Variants in CACUL1 observed in about 807,000 individuals in gnomAD.
The protein encoded by CACUL1 is CDK2 associated cullin domain 1.
Under a neutral mutation model 45.2 loss-of-function variants are expected in CACUL1, and 13 were observed. That is an observed-to-expected ratio of 0.29 (90% CI 0.19 to 0.46). The LOEUF is 0.46. CACUL1 is among the 20% of genes least tolerant of loss of function. The pLI is 1.00. For missense variants in CACUL1, 421 were observed against 471.4 expected, an observed-to-expected ratio of 0.89 and a Z score of 0.99; for synonymous variants, 197 against 174.2, an observed-to-expected ratio of 1.13 and a Z score of -1.03.
Position 118,744,142 on chromosome 10 carries a change from T to C in CACUL1, c.367+10254A>G, listed in dbSNP as rs1225865964. The stretch of plus-strand genomic sequence containing the variant: ...GGCTCACGCCTGTAATCCTAGCACT[T>C]TGGGAGGCCGAGGAGGGTGGATCAC... On this transcript the variant is annotated intron_variant, in intron 1 of 8. Coordinates refer to ENST00000369151, the MANE Select transcript of CACUL1 (RefSeq NM_153810.5). 3.9e-5 allele frequency among the ~76,000 whole-genome samples: 6 copies of C among 152,144 alleles called. No homozygotes were observed. In the South Asian group the frequency reaches 8.3e-4, roughly 21 times the overall value.
chr10:118,753,509 TCAC>T (rs1162272316), intron 1 of CACUL1, among the ~76,000 whole-genome samples: 2 of 152,188 alleles, frequency 1.3e-5, no homozygotes, highest in African/African-American at 4.8e-5. Context: ...CAACATCCTA[TCAC>T]CACCACCACC....
Position 118,754,940 on chromosome 10 carries a change from C to G in CACUL1, c.-178G>C. The G allele has an allele frequency of 1.3e-6, 1 of 775,626 alleles. No homozygotes were observed. The highest frequency in any genetic ancestry group is 1.9e-6 in the Non-Finnish European group (1 of 530,830). The allele number at this position is 775,626 out of a possible 1,614,324, so 48.0% of individuals were successfully genotyped here. On this transcript the variant is annotated 5_prime_UTR_variant, in exon 1 of 9. Coordinates refer to ENST00000369151, the MANE Select transcript of CACUL1 (RefSeq NM_153810.5). ...CGCGGGGCCGACTAGCTTGAAGACG[C>G]GGCTGACGGCGGTGGGCGCTCCGGG...
At position 118,682,049 on chromosome 10, in the gene CACUL1, A is replaced by G. The variant is rs181955245; in HGVS notation, c.*4079T>C. On this transcript the variant is annotated 3_prime_UTR_variant, in exon 9 of 9. Transcript: ENST00000369151. Reference sequence around the variant, plus strand: ...CAATCGTATTGAAAACAGTAATCACAACCAAAAAGGTCCTATAAACCTGTA... The same window carrying G: ...CAATCGTATTGAAAACAGTAATCACGACCAAAAAGGTCCTATAAACCTGTA... The G allele has an allele frequency of 6.6e-6, 1 of 152,374 alleles. No homozygotes were observed. Among genetic ancestry groups the G allele is most frequent in the East Asian group, 1.9e-4 (1 of 5,192 alleles). The allele number at this position is 152,374 out of a possible 1,614,324, so 9.4% of individuals were successfully genotyped here.
At chr10:118,701,971 G>C (rs983501477) in intron 4 of CACUL1, among the ~76,000 whole-genome samples, 4 of 152,176 alleles carry the variant, frequency 2.6e-5, no homozygotes, top group Non-Finnish European at 4.4e-5. Context: ...ACCATGAGGG[G>C]AATGTCAGGC....
intron 1 of CACUL1, among the ~76,000 whole-genome samples, 153 bp downstream of exon 1, chr10:118,754,243 G>A (rs1057389128): frequency 2.0e-5 from 3 of 152,202 alleles, no homozygotes; most frequent in African/African-American, 7.2e-5. Context: ...GGGACGGTGA[G>A]GGGGAAGGAG....
chr10:118,731,766 T>C (rs1411029723), intron 1 of CACUL1, among the ~76,000 whole-genome samples: 2 of 152,206 alleles, frequency 1.3e-5, no homozygotes, highest in Admixed American at 6.5e-5. Flanking sequence ...CATGAAACTA[T>C]GGTGGGGGAT....
intron 3 of CACUL1, among the ~76,000 whole-genome samples, chr10:118,723,309 C>T (rs542963555): frequency 6.6e-6 from 1 of 152,130 alleles, no homozygotes; most frequent in South Asian, 2.1e-4. Context: ...TAAAGTAGTG[C>T]TTTACCATTT....
chr10:118,736,389 A>ATT (rs753596455), intron 1 of CACUL1, among the ~76,000 whole-genome samples: 1 of 147,840 alleles, frequency 6.8e-6, no homozygotes. Context: ...ATTATTTATA[A>ATT]TTTTTTTTTT....
At chr10:118,699,216 T>C (rs968059503) in intron 5 of CACUL1, among the ~76,000 whole-genome samples, 5 of 152,252 alleles carry the variant, frequency 3.3e-5, no homozygotes, top group African/African-American at 9.6e-5. Context: ...AGGCCAGTTA[T>C]CACTTCTCTA....
Position 118,701,314 on chromosome 10 carries a change from C to A in CACUL1, c.788G>T (p.Ser263Ile). The A allele has an allele frequency of 6.5e-7, 1 of 1,545,004 alleles. No homozygotes were observed. Among genetic ancestry groups the A allele is most frequent in the Non-Finnish European group, 8.9e-7 (1 of 1,128,598 alleles). The stretch of plus-strand genomic sequence containing the variant: ...TAAGCTGAATTACTTACGCATTAGG[C>A]TGTAAATGTGCTTTTCTGCAACATG... ...TEHVAEKHIY[S>I]LMPLLLEAQS... The change falls in exon 5 of 9, where the codon AGC becomes ATC. Residue 263 changes from serine (S) to isoleucine (I), a missense_variant. Physicochemically the swap from Ser to Ile is moderately radical, Grantham distance 142 (BLOSUM62 -2). Coordinates refer to ENST00000369151, the MANE Select transcript of CACUL1 (RefSeq NM_153810.5).
intron 4 of CACUL1, among the ~76,000 whole-genome samples, chr10:118,703,506 TCTG>T (rs1161469632): frequency 9.8e-5 from 15 of 152,330 alleles, no homozygotes; most frequent in Admixed American, 5.2e-4. Context: ...TCCTCAATGT[TCTG>T]CTATTTTAAA....
chr10:118,686,578 G>A lies in CACUL1; in HGVS notation c.1069+20C>T. Reference sequence around the variant, plus strand: ...TTACATCACAGAACCATCAAGATGGGAAGGAACATCATTACTTACTATAAG... The same window carrying A: ...TTACATCACAGAACCATCAAGATGGAAAGGAACATCATTACTTACTATAAG... On this transcript the variant is annotated intron_variant, in intron 8 of 8. Coordinates refer to ENST00000369151, the MANE Select transcript of CACUL1 (RefSeq NM_153810.5). 1 of 1,592,020 alleles carries A rather than the reference G, an allele frequency of 6.3e-7. No individual in the cohort carries two copies. Among genetic ancestry groups the A allele is most frequent in the East Asian group, 2.2e-5 (1 of 44,776 alleles).
intron 1 of CACUL1, among the ~76,000 whole-genome samples, chr10:118,731,837 T>A (rs1013704103): frequency 6.6e-6 from 1 of 152,044 alleles, no homozygotes; most frequent in Admixed American, 6.6e-5. Context: ...TATGTAAATT[T>A]AAAAAATCAA....
rs1845170400 is a variant in CACUL1 at position 118,683,175 on chromosome 10, T to G, written c.*2953A>C. ...TATCGATTTACTTTTACATGTCATT[T>G]TTTCAAGATGACTGACCCGGCTTTC... On this transcript the variant is annotated 3_prime_UTR_variant, in exon 9 of 9. Coordinates refer to ENST00000369151, the MANE Select transcript of CACUL1 (RefSeq NM_153810.5). The G allele has an allele frequency of 6.6e-6, 1 of 152,170 alleles. No individual in the cohort carries two copies. The highest frequency in any genetic ancestry group is 1.5e-5 in the Non-Finnish European group (1 of 68,040). 9.4% of individuals were successfully genotyped at this position (152,170 alleles called of 1,614,324 possible).
intron 3 of CACUL1, among the ~76,000 whole-genome samples, chr10:118,720,516 T>C (rs778914595): frequency 1.3e-5 from 2 of 152,248 alleles, no homozygotes; most frequent in Non-Finnish European, 2.9e-5. Flanking sequence ...ATACAATTCA[T>C]AATTGTACTC....
In CACUL1 at chr10:118,678,833, T is replaced by C. The variant is rs999151737; in HGVS notation, c.*7295A>G. The C allele has an allele frequency of 1.3e-5, 2 of 152,182 alleles. No homozygotes were observed. Among genetic ancestry groups the C allele is most frequent in the Non-Finnish European group, 1.5e-5 (1 of 68,028 alleles). 9.4% of individuals were successfully genotyped at this position (152,182 alleles called of 1,614,324 possible). A position where few individuals can be genotyped will look rare whatever the true frequency, so the allele number is the denominator to read the frequency against. ...TGAAGGGTACAATGTGTTTTATGTA[T>C]GTGTGTGTTATGTATCTGTCAGATC... On this transcript the variant is annotated 3_prime_UTR_variant, in exon 9 of 9. Coordinates refer to ENST00000369151, the MANE Select transcript of CACUL1 (RefSeq NM_153810.5).
At chr10:118,744,255 G>C (rs572954164) in intron 1 of CACUL1, among the ~76,000 whole-genome samples, 2 of 152,238 alleles carry the variant, frequency 1.3e-5, no homozygotes, top group African/African-American at 4.8e-5. Flanking sequence ...GCATGGTGGC[G>C]CATGCTTGTA....
At chr10:118,689,705 C>G (rs1173521684) in intron 7 of CACUL1, among the ~76,000 whole-genome samples, 1 of 151,404 alleles carries the variant, frequency 6.6e-6, no homozygotes, top group Non-Finnish European at 1.5e-5. Context: ...ATAAACCAAG[C>G]AGTCCTGCAC....
At chr10:118,691,884 A>AAAAAAAG (rs1564828253) in intron 6 of CACUL1, among the ~76,000 whole-genome samples, 2 of 150,508 alleles carry the variant, frequency 1.3e-5, no homozygotes, top group Non-Finnish European at 1.5e-5. Flanking sequence ...AAAAAAAAAA[A>AAAAAAAG]AAAAAAGAAA....
Sources: gnomAD v4.1 joint callset for allele counts (sites outside exome capture counted in the v4.1 genomes callset) on GRCh38, gnomAD v4.1.1 for gene constraint, MANE v1.5 for transcripts, NCBI Gene and HGNC (gene_info 2026-07-23, HGNC 2026-07-21) for gene names.